The following SPATA7 variants were observed in gnomAD, a reference collection of about 807,000 sequenced individuals.
The protein encoded by SPATA7 is spermatogenesis-associated protein 7.
Under a neutral mutation model 51.8 loss-of-function variants are expected in SPATA7, and 43 were observed. The observed-to-expected ratio is 0.83, with a 90% CI of 0.65 to 1.07. The LOEUF (loss-of-function observed/expected upper bound fraction) is 1.07, where lower values mean the gene tolerates loss of function less well. SPATA7 is among the 50% of genes least tolerant of loss of function. SPATA7 has a pLI of 0.00. For synonymous variants in SPATA7, 230 were observed against 252.8 expected (o/e 0.91, Z 0.86); for missense variants, 683 against 701.3 (o/e 0.97, Z 0.30).
chr14:88,441,575 T>C (rs902000222), downstream of SPATA7, among the ~76,000 whole-genome samples: 1 of 152,238 alleles, frequency 6.6e-6, no homozygotes, highest in African/African-American at 2.4e-5. Flanking sequence ...GTTGTGGTTT[T>C]GATTTGCAGT....
chr14:88,430,075 G>A (rs2076900245), intron 8 of SPATA7, among the ~76,000 whole-genome samples: 1 of 152,010 alleles, frequency 6.6e-6, no homozygotes, highest in South Asian at 2.1e-4. Flanking sequence ...CCTAAAAGAT[G>A]CCTCGATAGT....
At chr14:88,461,921 G>T (rs1032723098) in intron 4 of SPATA7, among the ~76,000 whole-genome samples, 2 of 152,068 alleles carry the variant, frequency 1.3e-5, no homozygotes, top group Non-Finnish European at 2.9e-5. Flanking sequence ...TAAGTATTCT[G>T]TATTATCTTG....
chr14:88,455,922 G>A (rs1001494363), downstream of SPATA7, among the ~76,000 whole-genome samples: 1 of 134,000 alleles, frequency 7.5e-6, no homozygotes, highest in African/African-American at 2.9e-5. Flanking sequence ...TCCCCTTCCT[G>A]TGTCCATGTG....
intron 4 of SPATA7, among the ~76,000 whole-genome samples, chr14:88,401,836 CAAAAAAAA>C (rs57942112): frequency 9.0e-5 from 3 of 33,220 alleles, no homozygotes; most frequent in Admixed American, 4.0e-4. Flanking sequence ...GACCCTGTCT[CAAAAAAAA>C]AAAAAAAAAA....
downstream of SPATA7, among the ~76,000 whole-genome samples, chr14:88,459,713 C>A (rs2077305093): frequency 6.6e-6 from 1 of 152,186 alleles, no homozygotes; most frequent in South Asian, 2.1e-4. Context: ...AGCCCATTTA[C>A]ATTTAAGGTT....
intron 3 of SPATA7, among the ~76,000 whole-genome samples, chr14:88,453,958 C>T (rs1376685073): frequency 6.6e-6 from 1 of 152,152 alleles, no homozygotes; most frequent in East Asian, 1.9e-4. Context: ...TGCTCATATT[C>T]GAGTTTTGAG....
intron 1 of SPATA7, among the ~76,000 whole-genome samples, chr14:88,388,591 GTAAC>G (rs1488582507): frequency 6.6e-6 from 1 of 152,096 alleles, no homozygotes; most frequent in East Asian, 1.9e-4. Flanking sequence ...TCATAAAAGA[GTAAC>G]TATAAGATGT....
chr14:88,448,822 TGAG>T (rs939613907), intron 3 of SPATA7, among the ~76,000 whole-genome samples: 2 of 152,100 alleles, frequency 1.3e-5, no homozygotes, highest in African/African-American at 4.8e-5. Flanking sequence ...GGGACCTACT[TGAG>T]GAGGCAGTCT....
intron 3 of SPATA7, among the ~76,000 whole-genome samples, chr14:88,446,333 C>A (rs536057883): frequency 6.6e-6 from 1 of 151,936 alleles, no homozygotes; most frequent in Non-Finnish European, 1.5e-5. Flanking sequence ...GGTGATATCC[C>A]CTTTATCATT....
chr14:88,407,172 G>T (rs1566761247), intron 4 of SPATA7, among the ~76,000 whole-genome samples: 2 of 152,154 alleles, frequency 1.3e-5, no homozygotes, highest in African/African-American at 4.8e-5. Context: ...TCTGGTCCTA[G>T]ATCCTTGAGG....
At chr14:88,419,144 A>T (rs2139970690) in intron 5 of SPATA7, among the ~76,000 whole-genome samples, 1 of 152,258 alleles carries the variant, frequency 6.6e-6, no homozygotes, top group South Asian at 2.1e-4. Context: ...ATTGAGAGAA[A>T]TCTTCCACAT....
chr14:88,405,022 G>A (rs1261384952), intron 4 of SPATA7, among the ~76,000 whole-genome samples: 1 of 152,168 alleles, frequency 6.6e-6, no homozygotes, highest in East Asian at 1.9e-4. Flanking sequence ...ATGACTGAGA[G>A]TCCCTTGGAG....
chr14:88,385,711 C>A lies in SPATA7; in HGVS notation c.-108C>A. On this transcript the variant is annotated 5_prime_UTR_variant, in exon 1 of 12. Coordinates refer to ENST00000393545, the MANE Select transcript of SPATA7 (RefSeq NM_018418.5). The stretch of plus-strand genomic sequence containing the variant: ...CAACGGTTTCCCTGCTGCTGCAGCC[C>A]CCGTCGGCTCCTCTTTTCCAGTCCT... The A allele has an allele frequency of 9.2e-7, 1 of 1,083,990 alleles. No homozygotes were observed. The highest frequency in any genetic ancestry group is 1.4e-6 in the Non-Finnish European group (1 of 721,840). The allele number at this position is 1,083,990 out of a possible 1,614,324, so 67.1% of individuals were successfully genotyped here. A position where few individuals can be genotyped will look rare whatever the true frequency, so the allele number is the denominator to read the frequency against.
downstream of SPATA7, among the ~76,000 whole-genome samples, chr14:88,456,736 C>T (rs2077286373): frequency 6.6e-6 from 1 of 152,046 alleles, no homozygotes; most frequent in Admixed American, 6.6e-5. Flanking sequence ...TAATTAGATC[C>T]CATTTGTCAA....
intron 4 of SPATA7, chr14:88,468,990 A>T: frequency 6.2e-7 from 1 of 1,614,200 alleles, no homozygotes; most frequent in South Asian, 1.1e-5. Flanking sequence ...CCAGCACTGC[A>T]GTGGACCAAC....
At chr14:88,442,538 T>A (rs1419953810), downstream of SPATA7, among the ~76,000 whole-genome samples, 2 of 152,192 alleles carry the variant, frequency 1.3e-5, no homozygotes, top group Non-Finnish European at 2.9e-5. Flanking sequence ...TCTGGTCTAT[T>A]CAGATGATCA....
chr14:88,407,615 G>T (rs1343351441), intron 4 of SPATA7, among the ~76,000 whole-genome samples: 1 of 152,150 alleles, frequency 6.6e-6, no homozygotes, highest in African/African-American at 2.4e-5. Context: ...AGTTTAATTA[G>T]ATCCCATTTG....
chr14:88,437,881 G>A lies in SPATA7; in HGVS notation c.1259G>A (p.Gly420Asp), dbSNP rs1351069069. ...HLLHVLKVDLGCTSEENSVKQ... is the reference protein window; with the variant it reads ...HLLHVLKVDLDCTSEENSVKQ... ...CTGCATGTCCTGAAAGTAGACTTAGGCTGCACATCGGAGGAAAACTCGGTA... is the reference window on the plus strand; with the variant it reads ...CTGCATGTCCTGAAAGTAGACTTAGACTGCACATCGGAGGAAAACTCGGTA... Residue 420 changes from glycine to aspartate, a missense_variant, in exon 12 of 12, where the codon GGC (glycine) becomes GAC (aspartate). Coordinates refer to ENST00000393545, the MANE Select transcript of SPATA7 (RefSeq NM_018418.5). 1.9e-6 allele frequency: 3 copies of A among 1,609,324 alleles called. No individual in the cohort carries two copies. Among genetic ancestry groups the A allele is most frequent in the Non-Finnish European group, 2.5e-6 (3 of 1,177,860 alleles).
At chr14:88,468,813 GTCC>G in intron 4 of SPATA7, 1 of 1,456,738 alleles carries the variant, frequency 6.9e-7, no homozygotes. Context: ...GGCCACCACA[GTCC>G]AAGGAAATGT....
Sources: gnomAD v4.1 joint callset for allele counts (sites outside exome capture counted in the v4.1 genomes callset) on GRCh38, gnomAD v4.1.1 for gene constraint, MANE v1.5 for transcripts, NCBI Gene and HGNC (gene_info 2026-07-23, HGNC 2026-07-21) for gene names.